The following ZNF789 variants were observed in gnomAD, a reference collection of about 807,000 sequenced individuals.
ZNF789 encodes zinc finger protein 789.
In ZNF789, 11 loss-of-function variants were observed where a neutral mutation model predicts 15.6. That is an observed-to-expected ratio of 0.70 (90% CI 0.44 to 1.16). The LOEUF is 1.16. ZNF789 is among the 50% of genes most tolerant of loss of function. The pLI is 0.00. For synonymous variants in ZNF789, 159 were observed against 176.0 expected (o/e 0.90, Z 0.76); for missense variants, 461 against 512.6 (o/e 0.90, Z 0.97).
intron 2 of ZNF789, among the ~76,000 whole-genome samples, chr7:99,477,224 G>A (rs1799383816): frequency 6.6e-6 from 1 of 151,646 alleles, no homozygotes; most frequent in South Asian, 2.1e-4. Context: ...TGTACTTTTA[G>A]TAGAGACGGG....
At chr7:99,485,390 CCAGA>C in intron 4 of ZNF789, 1 of 701,716 alleles carries the variant, frequency 1.4e-6, no homozygotes. Context: ...AGAAATGTCT[CCAGA>C]CATTGTCCAA....
Position 99,484,112 on chromosome 7 carries a change from G to T in ZNF789, c.234G>T (p.Gly78=). The T allele has an allele frequency of 6.2e-7, 1 of 1,614,032 alleles. No homozygotes were observed. The highest frequency in any genetic ancestry group is 8.5e-7 in the Non-Finnish European group (1 of 1,179,992). ...GGATCCTGGATCTACCGAGAACTGGGAATAGGAAGGCTTCCGGTAGTGCTT... is the reference window on the plus strand; with the variant it reads ...GGATCCTGGATCTACCGAGAACTGGTAATAGGAAGGCTTCCGGTAGTGCTT... ...EQWILDLPRT[G]NRKASGSACP... Residue 78 remains glycine (G), a synonymous_variant, in exon 4 of 5, where the codon GGG becomes GGT. Transcript: ENST00000331410.
intron 1 of ZNF789, among the ~76,000 whole-genome samples, chr7:99,474,365 C>T (rs981304853): frequency 2.0e-5 from 3 of 152,002 alleles, no homozygotes; most frequent in South Asian, 2.1e-4. Context: ...GAGGCCAAGG[C>T]GGGAGGATCA....
At position 99,486,823 on chromosome 7, in the gene ZNF789, G is replaced by T; in HGVS notation, c.613G>T (p.Glu205Ter). 6.2e-7 allele frequency: 1 copy of T among 1,614,224 alleles called. No individual in the cohort carries two copies. The highest frequency in any genetic ancestry group is 8.5e-7 in the Non-Finnish European group (1 of 1,180,038). The change falls in exon 5 of 5, where the codon GAA becomes TAA. Residue 205 changes from glutamate to a stop codon, truncating the protein, a stop_gained. Coordinates refer to ENST00000331410, the MANE Select transcript of ZNF789 (RefSeq NM_213603.3). LOFTEE classifies it low-confidence loss of function (END_TRUNC). ...AAGAGCAAAGTCTTATGAATGCAGT[G>T]AATGTGGAAAAGTCATTAGGCGTAA... Reference protein sequence around the residue: ...LTRAKSYECSECGKVIRRKAW... With the variant: ...LTRAKSYECS
Position 99,487,121 on chromosome 7 carries a change from A to G in ZNF789, c.911A>G (p.Gln304Arg). ...FSQNSTLIRH[Q>R]VIHSGEKRHK... is the part of the protein sequence containing the mutation. ...CAGAATTCAACCCTTATTCGACATC[A>G]GGTGATCCATAGTGGAGAAAAACGC... The change falls in exon 5 of 5, where the codon CAG (glutamine) becomes CGG (arginine). Residue 304 changes from glutamine to arginine, a missense_variant. Transcript: ENST00000331410. The G allele has an allele frequency of 1.2e-6, 2 of 1,614,230 alleles. No homozygotes were observed. The highest frequency in any genetic ancestry group is 1.7e-6 in the Non-Finnish European group (2 of 1,180,040).
At chr7:99,476,372 G>A in intron 1 of ZNF789, 31 bp from the exon 2 acceptor site, 1 of 1,535,524 alleles carries the variant, frequency 6.5e-7, no homozygotes. Context: ...TCAAATTAGG[G>A]CTGGCCTTAC....
chr7:99,484,811 C>T (rs1584569898), intron 4 of ZNF789, among the ~76,000 whole-genome samples: 1 of 152,048 alleles, frequency 6.6e-6, no homozygotes, highest in East Asian at 1.9e-4. Flanking sequence ...TGCCTGTAGT[C>T]CCAGCTACTC....
At chr7:99,483,238 AAAT>A (rs1799741474) in intron 3 of ZNF789, among the ~76,000 whole-genome samples, 1 of 152,058 alleles carries the variant, frequency 6.6e-6, no homozygotes, top group Admixed American at 6.6e-5. Flanking sequence ...TCTCAAAAAT[AAAT>A]AAATAAATAA....
intron 1 of ZNF789, 159 bp from the exon 2 acceptor site, chr7:99,476,244 T>G (rs961826042): frequency 1.6e-5 from 9 of 550,188 alleles, no homozygotes; most frequent in Admixed American, 1.1e-4. Flanking sequence ...CTAGACTTAT[T>G]GTAGCGGCTC....
In ZNF789 at chr7:99,484,060, G is replaced by A; in HGVS notation, c.182G>A (p.Cys61Tyr). The change falls in exon 4 of 5, where the codon TGT (cysteine) becomes TAT (tyrosine). Residue 61 changes from cysteine to tyrosine, a missense_variant. Physicochemically the swap from Cys to Tyr is radical, Grantham distance 194 (BLOSUM62 -2). Transcript: ENST00000331410. ...GFQFPKPEMICQLENWDEQWI... is the reference protein window; with the variant it reads ...GFQFPKPEMIYQLENWDEQWI... ...CAGTTTCCCAAACCTGAGATGATCT[G>A]TCAGCTGGAGAACTGGGACGAGCAG... is the stretch of plus-strand genomic sequence containing the variant. 1 of 1,614,132 alleles carries A rather than the reference G, an allele frequency of 6.2e-7. No homozygotes were observed. Among genetic ancestry groups the A allele is most frequent in the South Asian group, 1.1e-5 (1 of 91,084 alleles).
intron 3 of ZNF789, among the ~76,000 whole-genome samples, chr7:99,483,408 T>C (rs1799749193): frequency 6.6e-6 from 1 of 152,018 alleles, no homozygotes; most frequent in Admixed American, 6.6e-5. Context: ...GGCGGGTGGA[T>C]CACCTGAGGT....
intron 4 of ZNF789, chr7:99,485,078 C>A (rs1799856808): frequency 8.8e-7 from 1 of 1,142,052 alleles, no homozygotes; most frequent in Admixed American, 2.5e-5. Flanking sequence ...CCTGGATGCC[C>A]CTTGATTCCA....
At chr7:99,485,247 C>T (rs749449248) in intron 4 of ZNF789, 24 of 1,532,980 alleles carry the variant, frequency 1.6e-5, no homozygotes, top group African/African-American at 1.4e-5. Context: ...TCCTCCATGG[C>T]ACTACTGACG....
chr7:99,485,273 T>C (rs1199862114), intron 4 of ZNF789: 2 of 1,473,690 alleles, frequency 1.4e-6, no homozygotes, highest in African/African-American at 2.8e-5. Flanking sequence ...GGCTGACGAA[T>C]TCTTTGGGGA....
At chr7:99,477,176 G>A (rs1799381469) in intron 2 of ZNF789, among the ~76,000 whole-genome samples, 1 of 151,990 alleles carries the variant, frequency 6.6e-6, no homozygotes, top group Non-Finnish European at 1.5e-5. Context: ...CCAAGTAGCT[G>A]GGACTACAGG....
chr7:99,483,150 G>A (rs1799737425), intron 3 of ZNF789, among the ~76,000 whole-genome samples: 1 of 152,052 alleles, frequency 6.6e-6, no homozygotes, highest in Non-Finnish European at 1.5e-5. Flanking sequence ...AGAATCACTT[G>A]AACCCGGGAG....
At chr7:99,478,383 G>A (rs1799445036) in intron 2 of ZNF789, 3 of 1,287,786 alleles carry the variant, frequency 2.3e-6, no homozygotes, top group South Asian at 1.2e-5. Context: ...AACCGTAGCA[G>A]TGGAACTCAG....
intron 4 of ZNF789, among the ~76,000 whole-genome samples, chr7:99,484,501 T>A (rs896949401): frequency 1.3e-5 from 2 of 152,116 alleles, no homozygotes; most frequent in African/African-American, 4.8e-5. Flanking sequence ...GTGCCTGTAA[T>A]CCCAGCTACC....
intron 2 of ZNF789, among the ~76,000 whole-genome samples, chr7:99,476,682 C>G (rs1562881035): frequency 6.6e-6 from 1 of 152,198 alleles, no homozygotes; most frequent in African/African-American, 2.4e-5. Context: ...TAAAATGGGT[C>G]AGTGAGAGTG....
Sources: gnomAD v4.1 joint callset for allele counts (sites outside exome capture counted in the v4.1 genomes callset) on GRCh38, gnomAD v4.1.1 for gene constraint, MANE v1.5 for transcripts, NCBI Gene and HGNC (gene_info 2026-07-23, HGNC 2026-07-21) for gene names.